Variants in MAP2 observed in about 807,000 individuals in gnomAD.
MAP2 encodes microtubule associated protein 2.
Under a neutral mutation model 137.6 loss-of-function variants are expected in MAP2, and 14 were observed. The observed-to-expected ratio is 0.10, with a 90% CI of 0.07 to 0.16. The LOEUF (loss-of-function observed/expected upper bound fraction) is 0.16, where lower values mean the gene tolerates loss of function less well. MAP2 is among the 10% of genes least tolerant of loss of function. The pLI is 1.00. For missense variants in MAP2, 2,088 were observed against 2,191.5 expected, an observed-to-expected ratio of 0.95 and a Z score of 0.94; for synonymous variants, 786 against 782.3, an observed-to-expected ratio of 1.00 and a Z score of -0.08.
intron 1 of MAP2, among the ~76,000 whole-genome samples, chr2:209,495,416 A>G (rs989541497): frequency 1.3e-5 from 2 of 152,244 alleles, no homozygotes; most frequent in African/African-American, 4.8e-5. Flanking sequence ...AGGGGATGAC[A>G]GACATCTCAT....
rs571619707 is a variant in MAP2, at chr2:209,429,006, T to A, written c.-222+4730T>A. On this transcript the variant is annotated intron_variant, in intron 1 of 15. Transcript: ENST00000682079. ...TCTCGCTCTTTCGCCCAGGCCGGAG[T>A]ACAGTGGCGCCATCTCGGCTCACTG... Among the ~76,000 whole-genome samples, 4 of 152,100 alleles carry A rather than the reference T, an allele frequency of 2.6e-5. No homozygotes were observed. In the South Asian group the frequency reaches 8.3e-4, roughly 32 times the overall value.
intron 7 of MAP2, among the ~76,000 whole-genome samples, chr2:209,689,419 C>T (rs1048281063): frequency 6.6e-6 from 1 of 151,900 alleles, no homozygotes. Flanking sequence ...AAACAATGCA[C>T]AATTATTTCA....
intron 5 of MAP2, among the ~76,000 whole-genome samples, chr2:209,662,844 AAAAG>A (rs1451353531): frequency 6.6e-6 from 1 of 152,096 alleles, no homozygotes; most frequent in African/African-American, 2.4e-5. Context: ...ACAAAAGAGA[AAAAG>A]AAAAAAAAGA....
At chr2:209,666,353 A>T (rs1443853126) in intron 5 of MAP2, among the ~76,000 whole-genome samples, 1 of 152,124 alleles carries the variant, frequency 6.6e-6, no homozygotes, top group African/African-American at 2.4e-5. Flanking sequence ...ATTGAGTTTG[A>T]TGCAAATATA....
At chr2:209,551,689 A>G (rs944107014) in intron 2 of MAP2, among the ~76,000 whole-genome samples, 3 of 152,162 alleles carry the variant, frequency 2.0e-5, no homozygotes, top group African/African-American at 7.2e-5. Flanking sequence ...GCAAGTTTGC[A>G]TGTACCGAAA....
At chr2:209,690,837 C>T (rs1478528566) in intron 7 of MAP2, 2 of 1,282,818 alleles carry the variant, frequency 1.6e-6, no homozygotes, top group Non-Finnish European at 2.0e-6. Flanking sequence ...ACCCCTTCCT[C>T]TGCTGGGGAA....
In MAP2 at chr2:209,696,037, T is replaced by G. The variant is rs1357171834; in HGVS notation, c.3867T>G (p.Asp1289Glu). The change falls in exon 8 of 16, where the codon GAT becomes GAG. Residue 1289 changes from aspartate to glutamate, a missense_variant. Physicochemically the swap from Asp to Glu is conservative, Grantham distance 45. Around this residue, in one of 6 missense-constraint regions of MAP2, gnomAD observed 591 missense variants for 642.6 expected, o/e 0.92. Coordinates refer to ENST00000682079, the MANE Select transcript of MAP2 (RefSeq NM_001375505.1). ...TTGAGTCTGTTGTGACCATCGAGGA[T>G]GATTTCATCACTGTAGTGCAAACCA... Reference protein sequence around the residue: ...GVIESVVTIEDDFITVVQTTT... With the variant: ...GVIESVVTIEEDFITVVQTTT... 4.3e-6 allele frequency: 7 copies of G among 1,614,084 alleles called. No homozygotes were observed. The highest frequency in any genetic ancestry group is 5.9e-6 in the Non-Finnish European group (7 of 1,180,002).
At chr2:209,468,418 C>T (rs1337279142) in intron 1 of MAP2, among the ~76,000 whole-genome samples, 1 of 140,518 alleles carries the variant, frequency 7.1e-6, no homozygotes, top group African/African-American at 2.6e-5. Flanking sequence ...CTCCCAGGTT[C>T]ATGCCATTTT....
At chr2:209,485,588 C>T (rs551632673) in intron 1 of MAP2, among the ~76,000 whole-genome samples, 20 of 152,264 alleles carry the variant, frequency 1.3e-4, no homozygotes, top group East Asian at 7.7e-4. Context: ...GCAGGTGTCA[C>T]GCTGATGAAT....
At chr2:209,599,700 C>A (rs1347898589) in intron 3 of MAP2, among the ~76,000 whole-genome samples, 3 of 151,748 alleles carry the variant, frequency 2.0e-5, no homozygotes, top group Non-Finnish European at 4.4e-5. Context: ...TAAATTATTC[C>A]TTTTTTGCAA....
intron 11 of MAP2, 108 bp from the exon 12 acceptor site, chr2:209,705,472 A>T: frequency 1.2e-6 from 1 of 864,276 alleles, no homozygotes; most frequent in Non-Finnish European, 1.7e-6. Flanking sequence ...AGTTTGTATT[A>T]AAAGAAATTC....
At position 209,693,244 on chromosome 2, in the gene MAP2, C is replaced by T. The variant is rs746136150; in HGVS notation, c.1074C>T (p.Gly358=). 1.2e-6 allele frequency: 2 copies of T among 1,614,036 alleles called. No homozygotes were observed. Among genetic ancestry groups the T allele is most frequent in the Admixed American group, 1.7e-5 (1 of 60,000 alleles). Residue 358 remains glycine (G), a synonymous_variant, in exon 8 of 16, where the codon GGC becomes GGT. Transcript: ENST00000682079. ...AAAAATCTCTGCAACAAACCAGTGG[C>T]CCAGCTACTGCCAAAGATAGTTTTA... ...DDKKSLQQTS[G]PATAKDSFKI... is the part of the protein sequence containing the mutation.
intron 2 of MAP2, among the ~76,000 whole-genome samples, chr2:209,569,162 C>A (rs1314864127): frequency 1.3e-5 from 2 of 151,706 alleles, no homozygotes; most frequent in African/African-American, 4.8e-5. Flanking sequence ...GATGAAAAAT[C>A]TAAAATTTGT....
chr2:209,495,600 C>G (rs562100514), intron 1 of MAP2, among the ~76,000 whole-genome samples: 5 of 152,218 alleles, frequency 3.3e-5, no homozygotes, highest in African/African-American at 4.8e-5. Context: ...AGGGACCTGA[C>G]TGTCAGAAGG....
chr2:209,564,920 T>C (rs568521329), intron 2 of MAP2, among the ~76,000 whole-genome samples: 4 of 152,152 alleles, frequency 2.6e-5, no homozygotes, highest in Non-Finnish European at 2.9e-5. Context: ...CACTCAACAG[T>C]TTAGAGTTTC....
At chr2:209,592,628 G>A (rs1383957732) in intron 3 of MAP2, among the ~76,000 whole-genome samples, 1 of 152,158 alleles carries the variant, frequency 6.6e-6, no homozygotes, top group Non-Finnish European at 1.5e-5. Context: ...TTAGCATCCA[G>A]TGTTATTGAT....
chr2:209,599,890 G>A (rs1487165414), intron 3 of MAP2, among the ~76,000 whole-genome samples: 1 of 152,090 alleles, frequency 6.6e-6, no homozygotes, highest in East Asian at 1.9e-4. Flanking sequence ...AACTTATTAG[G>A]ATATTGAGGG....
At chr2:209,503,550 T>C (rs969112585) in intron 1 of MAP2, among the ~76,000 whole-genome samples, 2 of 152,112 alleles carry the variant, frequency 1.3e-5, no homozygotes, top group Admixed American at 6.5e-5. Flanking sequence ...GGTCTTACAT[T>C]TAAGTTTTCA....
chr2:209,726,925 T>C (rs1170298289), intron 14 of MAP2, among the ~76,000 whole-genome samples: 2 of 152,208 alleles, frequency 1.3e-5, no homozygotes, highest in African/African-American at 4.8e-5. Context: ...GAAAACAAAG[T>C]AATAGGTTTT....
Sources: gnomAD v4.1 joint callset for allele counts (sites outside exome capture counted in the v4.1 genomes callset) on GRCh38, gnomAD v4.1.1 for gene constraint, gnomAD v4.1.1 regional missense constraint, MANE v1.5 for transcripts, NCBI Gene and HGNC (gene_info 2026-07-23, HGNC 2026-07-21) for gene names.